MACROD2: variants seen among roughly 807,000 people sequenced by gnomAD.
MACROD2 encodes the protein mono-ADP ribosylhydrolase 2, also known as ADP-ribose glycohydrolase MACROD2.
In MACROD2, 36 loss-of-function variants were observed where a neutral mutation model predicts 70.4. That is an observed-to-expected ratio of 0.51 (90% CI 0.39 to 0.68). MACROD2 has a LOEUF of 0.68. Among genes scored for constraint, MACROD2 ranks in the 30% least tolerant of loss-of-function variants. The probability of loss-of-function intolerance (pLI) is 0.00; values close to 1 mark genes in which losing one functional copy is unlikely to be tolerated. For missense variants in MACROD2, 496 were observed against 538.4 expected (o/e 0.92, Z 0.78); for synonymous variants, 172 against 178.8 (o/e 0.96, Z 0.30).
intron 3 of MACROD2, among the ~76,000 whole-genome samples, chr20:14,455,609 C>T (rs2122999309): frequency 6.6e-6 from 1 of 151,900 alleles, no homozygotes; most frequent in East Asian, 1.9e-4. Context: ...TTGAAAGCAA[C>T]TATAAATTAA....
chr20:14,633,634 C>T (rs1027214758), intron 4 of MACROD2, among the ~76,000 whole-genome samples: 1 of 152,166 alleles, frequency 6.6e-6, no homozygotes, highest in African/African-American at 2.4e-5. Flanking sequence ...TCCGAATTCT[C>T]CTTTTAGAGT....
At chr20:15,996,674 A>G (rs771294056) in intron 15 of MACROD2, among the ~76,000 whole-genome samples, 5 of 151,778 alleles carry the variant, frequency 3.3e-5, no homozygotes, top group Non-Finnish European at 7.4e-5. Context: ...CTTGTTGATT[A>G]TTTCCTTTTC....
At chr20:15,580,938 C>T (rs750572568) in intron 8 of MACROD2, among the ~76,000 whole-genome samples, 1 of 152,116 alleles carries the variant, frequency 6.6e-6, no homozygotes, top group African/African-American at 2.4e-5. Flanking sequence ...AATGGTTGGG[C>T]CTGCAGAACA....
chr20:15,325,067 G>T (rs568614710), intron 6 of MACROD2, among the ~76,000 whole-genome samples: 1 of 150,506 alleles, frequency 6.6e-6, no homozygotes, highest in African/African-American at 2.4e-5. Flanking sequence ...CAGAGACAGG[G>T]TAGTCAGGGT....
rs574733184 is a variant in MACROD2, at chr20:14,117,389, C to T, written c.271+31661C>T. ...TCCTGATGCCTAACTCAATGTTGGT[C>T]ATGTAGTTGGCCCTCGACAAATACT... On this transcript the variant is annotated intron_variant, in intron 3 of 17. Coordinates refer to ENST00000684519, the MANE Select transcript of MACROD2 (RefSeq NM_001351661.2). 2.6e-5 allele frequency among the ~76,000 whole-genome samples: 4 copies of T among 152,228 alleles called. No homozygotes were observed. In the South Asian group the frequency reaches 8.3e-4, roughly 32 times the overall value.
rs147657160 is a variant in MACROD2 at position 15,496,639 on chromosome 20, A to G, written c.572-3135A>G. On this transcript the variant is annotated intron_variant, in intron 7 of 17. Transcript: ENST00000684519. ...TTTTTTATAGCCCTATAATTTTATGATGTAAGTACTTATTCAACATACCTA... is the reference window on the plus strand; with the variant it reads ...TTTTTTATAGCCCTATAATTTTATGGTGTAAGTACTTATTCAACATACCTA... Among the ~76,000 whole-genome samples, 54 of 152,300 alleles carry G rather than the reference A, an allele frequency of 3.5e-4. 1 individual carries two copies. In the East Asian group the frequency reaches 9.6e-3, roughly 27 times the overall value.
chr20:14,556,463 G>T (rs1452047874), intron 4 of MACROD2, among the ~76,000 whole-genome samples: 1 of 152,030 alleles, frequency 6.6e-6, no homozygotes, highest in Non-Finnish European at 1.5e-5. Context: ...AGAAAGTACA[G>T]ATAAAGAAGC....
intron 5 of MACROD2, among the ~76,000 whole-genome samples, chr20:15,065,149 TG>T (rs1439098735): frequency 1.3e-5 from 2 of 152,212 alleles, no homozygotes; most frequent in African/African-American, 4.8e-5. Flanking sequence ...TGTCTCAGCA[TG>T]ACTAGACCAC....
chr20:15,981,921 A>G (rs1017099969), intron 13 of MACROD2, among the ~76,000 whole-genome samples: 6 of 151,946 alleles, frequency 3.9e-5, no homozygotes, highest in African/African-American at 1.5e-4. Context: ...AGCCTAAATG[A>G]CACAAGACCA....
chr20:15,736,518 A>G (rs888008992), intron 8 of MACROD2, among the ~76,000 whole-genome samples: 1 of 151,278 alleles, frequency 6.6e-6, no homozygotes, highest in East Asian at 1.9e-4. Context: ...AGGACTACAC[A>G]TGTCACTTTA....
chr20:14,544,832 C>T (rs2085473723), intron 4 of MACROD2, among the ~76,000 whole-genome samples: 1 of 152,140 alleles, frequency 6.6e-6, no homozygotes, highest in Non-Finnish European at 1.5e-5. Flanking sequence ...CAACTCCTGG[C>T]AGTCATTAGT....
At chr20:15,800,894 AC>A (rs2063718542) in intron 8 of MACROD2, among the ~76,000 whole-genome samples, 1 of 151,502 alleles carries the variant, frequency 6.6e-6, no homozygotes. Flanking sequence ...CTTACCCCCA[AC>A]CCTGTGCTCT....
At chr20:15,055,045 G>C (rs2075473550) in intron 5 of MACROD2, among the ~76,000 whole-genome samples, 1 of 149,962 alleles carries the variant, frequency 6.7e-6, no homozygotes, top group Non-Finnish European at 1.5e-5. Context: ...TTCCTCCTGG[G>C]TTCAAGTGAT....
At position 16,041,276 on chromosome 20, in the gene MACROD2, A is replaced by G. The variant is rs772067044; in HGVS notation, c.1229A>G (p.Asp410Gly). 1.9e-6 allele frequency: 3 copies of G among 1,611,312 alleles called. No homozygotes were observed. The highest frequency in any genetic ancestry group is 2.2e-5 in the South Asian group (2 of 90,890). Residue 410 changes from aspartate to glycine, a missense_variant and splice_region_variant, in exon 16 of 18, where the codon GAT becomes GGT. Coordinates refer to ENST00000684519, the MANE Select transcript of MACROD2 (RefSeq NM_001351661.2). Reference sequence around the variant, plus strand: ...GACCTAGAAAATACTCCAGGTCCTGATGGTAAGGTTCTGAGCTATTGGAGC... The same window carrying G: ...GACCTAGAAAATACTCCAGGTCCTGGTGGTAAGGTTCTGAGCTATTGGAGC... ...SSDLENTPGP[D>G]VEMNSQVDKV...
intron 5 of MACROD2, among the ~76,000 whole-genome samples, chr20:15,194,070 AC>A (rs1406589942): frequency 6.6e-6 from 1 of 151,846 alleles, no homozygotes; most frequent in Non-Finnish European, 1.5e-5. Context: ...ACATAGTGAA[AC>A]CCTGTCTCTA....
At chr20:15,595,108 T>A (rs1284571488) in intron 8 of MACROD2, among the ~76,000 whole-genome samples, 3 of 152,228 alleles carry the variant, frequency 2.0e-5, no homozygotes, top group African/African-American at 7.2e-5. Flanking sequence ...CATTTTCTTT[T>A]TAGGAGCTTG....
chr20:15,716,089 A>G (rs1369188437), intron 8 of MACROD2, among the ~76,000 whole-genome samples: 2 of 152,212 alleles, frequency 1.3e-5, no homozygotes, highest in African/African-American at 4.8e-5. Flanking sequence ...TTCATTCATT[A>G]CAGATACTGC....
At chr20:14,231,529 C>T (rs941369160) in intron 3 of MACROD2, among the ~76,000 whole-genome samples, 6 of 152,106 alleles carry the variant, frequency 3.9e-5, no homozygotes, top group Admixed American at 1.3e-4. Flanking sequence ...TTTCTTAATC[C>T]AGTCTATCAT....
intron 3 of MACROD2, among the ~76,000 whole-genome samples, chr20:14,216,350 G>C (rs1358038493): frequency 6.6e-6 from 1 of 152,034 alleles, no homozygotes. Flanking sequence ...TCTCTATTCT[G>C]TTTCATTGGT....
Sources: allele counts gnomAD v4.1 joint callset (sites outside exome capture counted in the v4.1 genomes callset), GRCh38; gene constraint gnomAD v4.1.1; transcripts MANE v1.5; gene names NCBI Gene and HGNC (gene_info 2026-07-23, HGNC 2026-07-21).